Variants in POC1A observed in about 807,000 individuals in gnomAD.
POC1A encodes the protein POC1 centriolar protein homolog A.
In POC1A, 34 loss-of-function variants were observed where a neutral mutation model predicts 47.8. The ratio of observed to expected loss-of-function variants is 0.71; its 90% CI spans 0.54 to 0.95. POC1A has a LOEUF of 0.95. Ranked by LOEUF, POC1A falls within the 40% of genes least tolerant of loss-of-function variation. The pLI is 0.00. For missense variants in POC1A, 466 were observed against 528.3 expected, an observed-to-expected ratio of 0.88 and a Z score of 1.16; for synonymous variants, 177 against 207.6, an observed-to-expected ratio of 0.85 and a Z score of 1.27.
intron 10 of POC1A, among the ~76,000 whole-genome samples, chr3:52,089,701 C>T (rs1388473894): frequency 6.6e-6 from 1 of 152,214 alleles, no homozygotes; most frequent in African/African-American, 2.4e-5. Context: ...GTGACTTTCA[C>T]TCTATACCCT....
intron 10 of POC1A, among the ~76,000 whole-genome samples, chr3:52,087,216 C>T (rs1220749661): frequency 6.6e-6 from 1 of 152,202 alleles, no homozygotes; most frequent in Non-Finnish European, 1.5e-5. Flanking sequence ...TCCTCCCCTT[C>T]CCACCTCTGT....
At chr3:52,107,723 C>G (rs1026492235) in intron 9 of POC1A, among the ~76,000 whole-genome samples, 2 of 152,228 alleles carry the variant, frequency 1.3e-5, no homozygotes, top group African/African-American at 2.4e-5. Context: ...TTATATTAAA[C>G]TGCTTTGAAC....
chr3:52,131,326 G>A (rs1704203156), intron 7 of POC1A, among the ~76,000 whole-genome samples: 1 of 152,202 alleles, frequency 6.6e-6, no homozygotes, highest in Admixed American at 6.5e-5. Context: ...TGGTAGGGAA[G>A]CCCTTCCCTC....
At chr3:52,133,608 C>CT (rs1024845202) in intron 7 of POC1A, among the ~76,000 whole-genome samples, 1 of 152,178 alleles carries the variant, frequency 6.6e-6, no homozygotes, top group Non-Finnish European at 1.5e-5. Flanking sequence ...TTAGCTGGCA[C>CT]TTGGCAAGTC....
At position 52,075,772 on chromosome 3, in the gene POC1A, A is replaced by G. The variant is rs2106910595; in HGVS notation, c.*115T>C. 2.5e-6 allele frequency: 2 copies of G among 805,382 alleles called. No individual in the cohort carries two copies. The highest frequency in any genetic ancestry group is 1.4e-5 in the South Asian group (1 of 71,522). The allele number at this position is 805,382 out of a possible 1,614,324, so 49.9% of individuals were successfully genotyped here. The stretch of plus-strand genomic sequence containing the variant: ...CAGAACTGCAAAAATCCAGGGCTCC[A>G]GTATGGATGTGATTCCCACAGAGTT... On this transcript the variant is annotated 3_prime_UTR_variant, in exon 11 of 11. Transcript: ENST00000296484.
chr3:52,102,791 C>T (rs1703044089), intron 9 of POC1A, among the ~76,000 whole-genome samples: 2 of 152,056 alleles, frequency 1.3e-5, no homozygotes, highest in South Asian at 2.1e-4. Flanking sequence ...ATCATGTTCA[C>T]GTATTAAAGG....
At chr3:52,104,778 G>A (rs1703116079) in intron 9 of POC1A, among the ~76,000 whole-genome samples, 1 of 152,228 alleles carries the variant, frequency 6.6e-6, no homozygotes, top group African/African-American at 2.4e-5. Context: ...ATTTGAGAGA[G>A]CCGCAGAGAT....
At chr3:52,101,109 A>C (rs1030279273) in intron 9 of POC1A, among the ~76,000 whole-genome samples, 66 of 151,638 alleles carry the variant, frequency 4.4e-4, no homozygotes, top group Middle Eastern at 6.8e-3. Flanking sequence ...AAAAAAAAAA[A>C]ATATCAAGCA....
intron 9 of POC1A, among the ~76,000 whole-genome samples, chr3:52,101,411 TGTCAAGAGACA>T (rs1176491334): frequency 6.6e-6 from 1 of 151,968 alleles, no homozygotes; most frequent in African/African-American, 2.4e-5. Context: ...AAAACCCCAC[TGTCAAGAGACA>T]AAGCAGTCAG....
Position 52,145,901 on chromosome 3 carries a change from G to T in POC1A, c.624C>A (p.Asp208Glu). The T allele has an allele frequency of 6.2e-7, 1 of 1,614,004 alleles. No individual in the cohort carries two copies. Among genetic ancestry groups the T allele is most frequent in the Non-Finnish European group, 8.5e-7 (1 of 1,179,982 alleles). ...SGTCIAAAGM[D>E]NTVKVWDVRT... ...GCACGTCCCACACCTTCACTGTGTT[G>T]TCCATGCCGGCAGCGGCAATGCACG... is the stretch of plus-strand genomic sequence containing the variant. The change falls in exon 6 of 11, where the codon GAC (aspartate) becomes GAA (glutamate). Residue 208 changes from aspartate to glutamate, a missense_variant. Coordinates refer to ENST00000296484, the MANE Select transcript of POC1A (RefSeq NM_015426.5).
At chr3:52,147,417 T>C (rs1698403805) in intron 4 of POC1A, among the ~76,000 whole-genome samples, 1 of 152,016 alleles carries the variant, frequency 6.6e-6, no homozygotes, top group East Asian at 1.9e-4. Flanking sequence ...CAGGAAACTG[T>C]GACTAAATTT....
chr3:52,132,761 C>T (rs1041679199), intron 7 of POC1A, among the ~76,000 whole-genome samples: 1 of 152,204 alleles, frequency 6.6e-6, no homozygotes, highest in East Asian at 1.9e-4. Context: ...AATTGAATCC[C>T]CAGCCAGGCG....
rs757816836 is a variant in POC1A at position 52,150,904 on chromosome 3, A to G, written c.103+112T>C. 3.3e-6 allele frequency: 3 copies of G among 913,872 alleles called. No homozygotes were observed. The Admixed American group carries it at 5.8e-5, about 18-fold the overall frequency. The allele number at this position is 913,872 out of a possible 1,614,324, so 56.6% of individuals were successfully genotyped here. A position where few individuals can be genotyped will look rare whatever the true frequency, so the allele number is the denominator to read the frequency against. On this transcript the variant is annotated intron_variant, in intron 2 of 10. Transcript: ENST00000296484. ...CAGAAGCAAGACTAGAAGCAGGTCTAGACAAAGCTGTGCAGTCCTTGTGCT... is the reference window on the plus strand; with the variant it reads ...CAGAAGCAAGACTAGAAGCAGGTCTGGACAAAGCTGTGCAGTCCTTGTGCT...
Position 52,151,116 on chromosome 3 carries a change from G to A in POC1A, c.19-16C>T. The A allele has an allele frequency of 6.2e-7, 1 of 1,613,366 alleles. No homozygotes were observed. ...AGGGGTCCTCCTGAGAGAGAGCCAG[G>A]GTCAAATGTGTGAAGCCTGGGTGAG... On this transcript the variant is annotated splice_polypyrimidine_tract_variant and intron_variant, in intron 1 of 10. Coordinates refer to ENST00000296484, the MANE Select transcript of POC1A (RefSeq NM_015426.5).
chr3:52,145,654 C>T (rs1698338313), intron 6 of POC1A, among the ~76,000 whole-genome samples, 192 bp downstream of exon 6: 1 of 152,202 alleles, frequency 6.6e-6, no homozygotes, highest in African/African-American at 2.4e-5. Context: ...CAGGCTCCAT[C>T]TCCTGGCCAA....
rs779004624 is a variant in POC1A, at chr3:52,149,208, A to T, written c.455+2T>A. 4 of 1,613,896 alleles carry T rather than the reference A, an allele frequency of 2.5e-6. No individual in the cohort carries two copies. The South Asian group carries it at 4.4e-5, about 18-fold the overall frequency. On this transcript the variant is annotated splice_donor_variant, in intron 4 of 10. Transcript: ENST00000296484. LOFTEE classifies it high-confidence loss of function. ...AGGGTCTCCAGACAGAACAATGCTCACTTGGCACAGCGGACCCAGTTGATA... is the reference window on the plus strand; with the variant it reads ...AGGGTCTCCAGACAGAACAATGCTCTCTTGGCACAGCGGACCCAGTTGATA...
chr3:52,096,582 T>A lies in POC1A; in HGVS notation c.1112A>T (p.Asp371Val), dbSNP rs1702822066. Residue 371 changes from aspartate (D) to valine (V), a missense_variant, in exon 10 of 11, where the codon GAT becomes GTT. Physicochemically the swap from Asp to Val is radical, Grantham distance 152 (BLOSUM62 -3). Transcript: ENST00000296484. The stretch of plus-strand genomic sequence containing the variant: ...AGTGTGGCCTACCTGAGTGAGGACA[T>A]CCAGCTGGCCCACAATGTGCTCCAG... ...STLEHIVGQL[D>V]VLTQTVSILE... The A allele has an allele frequency of 6.3e-7, 1 of 1,583,480 alleles. No individual in the cohort carries two copies. The highest frequency in any genetic ancestry group is 8.6e-7 in the Non-Finnish European group (1 of 1,166,826).
intron 7 of POC1A, among the ~76,000 whole-genome samples, chr3:52,132,398 T>C (rs1704245694): frequency 6.6e-6 from 1 of 152,136 alleles, no homozygotes; most frequent in Admixed American, 6.5e-5. Flanking sequence ...AAGCTAAGTA[T>C]CATCCCCCAC....
At chr3:52,098,701 T>C (rs940537644) in intron 9 of POC1A, among the ~76,000 whole-genome samples, 5 of 152,174 alleles carry the variant, frequency 3.3e-5, no homozygotes, top group African/African-American at 1.2e-4. Flanking sequence ...AGTGCTGCCC[T>C]GAGCCATTTC....
Sources: gnomAD v4.1 joint callset for allele counts (sites outside exome capture counted in the v4.1 genomes callset) on GRCh38, gnomAD v4.1.1 for gene constraint, MANE v1.5 for transcripts, NCBI Gene and HGNC (gene_info 2026-07-23, HGNC 2026-07-21) for gene names.